CSMD1: variants seen among roughly 807,000 people sequenced by gnomAD.
CSMD1 encodes CUB and sushi domain-containing protein 1.
In CSMD1, 213 loss-of-function variants were observed where a neutral mutation model predicts 417.5. The ratio of observed to expected loss-of-function variants is 0.51; its 90% confidence interval spans 0.46 to 0.57. CSMD1 has a LOEUF of 0.57. Ranked by LOEUF, CSMD1 falls within the 20% of genes least tolerant of loss-of-function variation. CSMD1 has a pLI of 0.00. For missense variants in CSMD1, 6,923 were observed against 4,529.7 expected (o/e 1.53, Z -15.17); for synonymous variants, 2,862 against 1,736.8 (o/e 1.65, Z -16.11).
intron 3 of CSMD1, among the ~76,000 whole-genome samples, chr8:4,061,989 CCTGT>C (rs1798995951): frequency 6.6e-6 from 1 of 152,052 alleles, no homozygotes; most frequent in Non-Finnish European, 1.5e-5. Flanking sequence ...CCCCTGCTGC[CCTGT>C]CTGAGAGGTC....
chr8:4,910,425 C>T (rs996864627), intron 1 of CSMD1, among the ~76,000 whole-genome samples: 1 of 152,152 alleles, frequency 6.6e-6, no homozygotes, highest in African/African-American at 2.4e-5. Context: ...ATTCTGGAGG[C>T]TGAGAAGTCC....
chr8:4,187,685 A>AAC (rs1798766604), intron 3 of CSMD1, among the ~76,000 whole-genome samples: 3 of 151,546 alleles, frequency 2.0e-5, no homozygotes, highest in African/African-American at 7.3e-5. Context: ...TCAAAAAAAA[A>AAC]AAAAAAAAAG....
At chr8:4,800,020 C>A (rs73179690) in intron 1 of CSMD1, among the ~76,000 whole-genome samples, 19,731 of 152,184 alleles carry the variant, frequency 0.13, 1,659 homozygotes, top group Non-Finnish European at 0.18. Context: ...AATCAAAATA[C>A]AGTAATTATG....
chr8:3,380,855 C>A (rs531554986), intron 18 of CSMD1, among the ~76,000 whole-genome samples: 1 of 151,074 alleles, frequency 6.6e-6, no homozygotes, highest in Non-Finnish European at 1.5e-5. Flanking sequence ...CAAACCTGCA[C>A]GATCCGCACA....
At chr8:4,715,459 G>C (rs1020359792) in intron 1 of CSMD1, among the ~76,000 whole-genome samples, 1 of 152,036 alleles carries the variant, frequency 6.6e-6, no homozygotes, top group African/African-American at 2.4e-5. Context: ...ATCTCATATG[G>C]TTTCACAGCT....
At chr8:3,630,733 C>G (rs1796742359) in intron 7 of CSMD1, among the ~76,000 whole-genome samples, 1 of 149,056 alleles carries the variant, frequency 6.7e-6, no homozygotes, top group African/African-American at 2.5e-5. Context: ...AGTTGCCTCT[C>G]TGAAGCCACT....
At chr8:3,895,104 A>T (rs10866959) in intron 5 of CSMD1, among the ~76,000 whole-genome samples, 1 of 151,992 alleles carries the variant, frequency 6.6e-6, no homozygotes, top group East Asian at 1.9e-4. Flanking sequence ...ACTTCTTAAC[A>T]TATTGATTAA....
At chr8:3,991,105 C>G (rs940158) in intron 5 of CSMD1, among the ~76,000 whole-genome samples, 2 of 152,046 alleles carry the variant, frequency 1.3e-5, no homozygotes, top group East Asian at 3.9e-4. Flanking sequence ...TCCCTGGCCA[C>G]GAGCCGAGAG....
At chr8:4,871,662 T>A (rs1802745696) in intron 1 of CSMD1, among the ~76,000 whole-genome samples, 1 of 152,176 alleles carries the variant, frequency 6.6e-6, no homozygotes. Flanking sequence ...CTTTAGGAAC[T>A]ATATCATAAA....
At chr8:3,707,015 G>A (rs547118183) in intron 7 of CSMD1, among the ~76,000 whole-genome samples, 1 of 151,754 alleles carries the variant, frequency 6.6e-6, no homozygotes, top group African/African-American at 2.4e-5. Context: ...TTTTGGAAGT[G>A]GGAGACACCT....
At chr8:4,034,861 G>C (rs1003692808) in intron 3 of CSMD1, among the ~76,000 whole-genome samples, 1 of 152,106 alleles carries the variant, frequency 6.6e-6, no homozygotes, top group East Asian at 1.9e-4. Context: ...CAAAGACACG[G>C]TTATCAATGG....
At chr8:4,161,214 A>C (rs1247372712) in intron 3 of CSMD1, among the ~76,000 whole-genome samples, 5 of 152,334 alleles carry the variant, frequency 3.3e-5, no homozygotes, top group African/African-American at 7.2e-5. Flanking sequence ...TAATTCCATG[A>C]ACAACCCTCT....
intron 2 of CSMD1, among the ~76,000 whole-genome samples, chr8:4,477,099 C>T (rs934652002): frequency 1.6e-4 from 25 of 152,178 alleles, no homozygotes; most frequent in African/African-American, 5.8e-4. Flanking sequence ...TGTGAGCACT[C>T]CTTCCCACCA....
chr8:4,454,929 C>G (rs1042275815), intron 2 of CSMD1, among the ~76,000 whole-genome samples: 20 of 152,142 alleles, frequency 1.3e-4, no homozygotes, highest in African/African-American at 4.6e-4. Context: ...ACATCTCACT[C>G]CAGACTCATG....
chr8:4,436,827 T>A lies in CSMD1; in HGVS notation c.303-16762A>T, dbSNP rs908523478. Among the ~76,000 whole-genome samples the A allele has an allele frequency of 2.6e-5, 4 of 152,192 alleles. No individual in the cohort carries two copies. In the South Asian group the frequency reaches 8.3e-4, roughly 32 times the overall value. On this transcript the variant is annotated intron_variant, in intron 2 of 69. Transcript: ENST00000635120. ...TAACAATGATCTCCAGCTCTAGCCA[T>A]GTTGGTGCAAATGAGTGAATCTCAT...
chr8:3,355,287 A>C (rs1432049020), intron 21 of CSMD1, among the ~76,000 whole-genome samples: 1 of 152,162 alleles, frequency 6.6e-6, no homozygotes, highest in Admixed American at 6.5e-5. Context: ...TTTTTGTTCA[A>C]ATAATTCTGA....
chr8:4,802,620 T>C (rs1458325383), intron 1 of CSMD1, among the ~76,000 whole-genome samples: 1 of 152,188 alleles, frequency 6.6e-6, no homozygotes, highest in Non-Finnish European at 1.5e-5. Context: ...ACTCTAGGTA[T>C]CCTGTCTGTT....
At chr8:4,094,704 A>C (rs570886017) in intron 3 of CSMD1, among the ~76,000 whole-genome samples, 1 of 152,138 alleles carries the variant, frequency 6.6e-6, no homozygotes, top group Middle Eastern at 3.2e-3. Context: ...GCCGGCTTCT[A>C]GAGAGACAGG....
intron 53 of CSMD1, among the ~76,000 whole-genome samples, chr8:2,999,165 T>G (rs1358719329): frequency 6.7e-6 from 1 of 149,360 alleles, no homozygotes; most frequent in African/African-American, 2.5e-5. Context: ...TTTTTTTTTT[T>G]TTTTTTTGAG....
Sources: allele counts gnomAD v4.1 joint callset (sites outside exome capture counted in the v4.1 genomes callset), GRCh38; gene constraint gnomAD v4.1.1; transcripts MANE v1.5; gene names NCBI Gene and HGNC (gene_info 2026-07-23, HGNC 2026-07-21).